Variants in LRRFIP1 observed in about 807,000 individuals in gnomAD.
The protein encoded by LRRFIP1 is LRR binding FLII interacting protein 1, also known as leucine-rich repeat flightless-interacting protein 1.
Under a neutral mutation model 104.4 loss-of-function variants are expected in LRRFIP1, and 62 were observed. That is an observed-to-expected ratio of 0.59 (90% CI 0.48 to 0.73). The LOEUF is 0.73. LRRFIP1 is among the 30% of genes least tolerant of loss of function. The pLI, the probability that LRRFIP1 is intolerant of heterozygous loss-of-function variation, is 0.00. For synonymous variants in LRRFIP1, 300 were observed against 299.0 expected, an observed-to-expected ratio of 1.00 and a Z score of -0.03; for missense variants, 796 against 824.5, an observed-to-expected ratio of 0.97 and a Z score of 0.42.
intron 1 of LRRFIP1, among the ~76,000 whole-genome samples, chr2:237,682,988 T>C (rs1018591319): frequency 3.3e-5 from 5 of 152,246 alleles, no homozygotes; most frequent in African/African-American, 1.2e-4. Context: ...ATGTCTGAGA[T>C]ATTTTTGGTT....
chr2:237,650,422 T>A (rs2085736469), intron 1 of LRRFIP1, among the ~76,000 whole-genome samples: 1 of 151,958 alleles, frequency 6.6e-6, no homozygotes, highest in Admixed American at 6.5e-5. Flanking sequence ...GGGGTGGCTA[T>A]TGGACAGCTC....
chr2:237,657,108 G>T (rs975834978), intron 1 of LRRFIP1, among the ~76,000 whole-genome samples: 5 of 152,166 alleles, frequency 3.3e-5, no homozygotes, highest in African/African-American at 1.2e-4. Flanking sequence ...CACCATTTTG[G>T]TTTCAGTTAC....
chr2:237,775,358 CAG>C (rs2060990656), intron 23 of LRRFIP1, among the ~76,000 whole-genome samples: 1 of 152,128 alleles, frequency 6.6e-6, no homozygotes, highest in Non-Finnish European at 1.5e-5. Context: ...AAGGAACAGT[CAG>C]AGCGGTGGAG....
At chr2:237,709,156 G>A (rs1368424851) in intron 2 of LRRFIP1, among the ~76,000 whole-genome samples, 1 of 152,180 alleles carries the variant, frequency 6.6e-6, no homozygotes, top group Non-Finnish European at 1.5e-5. Flanking sequence ...ATTCCTCCCT[G>A]GGAAAATGGC....
chr2:237,673,234 G>A (rs1316502910), intron 1 of LRRFIP1, among the ~76,000 whole-genome samples: 1 of 152,164 alleles, frequency 6.6e-6, no homozygotes, highest in Non-Finnish European at 1.5e-5. Flanking sequence ...ACCACCAGGC[G>A]GCATAACAGA....
intron 1 of LRRFIP1, among the ~76,000 whole-genome samples, chr2:237,696,809 T>C (rs559049723): frequency 2.1e-4 from 32 of 152,390 alleles, no homozygotes; most frequent in African/African-American, 6.5e-4. Context: ...CGGCTGCTGC[T>C]GCTGCTTTTG....
At chr2:237,727,499 A>T (rs1272310461) in intron 7 of LRRFIP1, among the ~76,000 whole-genome samples, 1 of 152,228 alleles carries the variant, frequency 6.6e-6, no homozygotes, top group Non-Finnish European at 1.5e-5. Flanking sequence ...TCGGCCTGGC[A>T]TGTGGCTTCT....
At chr2:237,636,194 C>T (rs573849724) in intron 1 of LRRFIP1, among the ~76,000 whole-genome samples, 2 of 151,628 alleles carry the variant, frequency 1.3e-5, no homozygotes, top group African/African-American at 2.4e-5. Flanking sequence ...ACTTATTGAG[C>T]ATTCATTGGG....
intron 1 of LRRFIP1, among the ~76,000 whole-genome samples, chr2:237,659,290 C>T (rs2087407965): frequency 6.6e-6 from 1 of 151,540 alleles, no homozygotes; most frequent in African/African-American, 2.4e-5. Context: ...GAGATGATGT[C>T]TCCCTATGTT....
At chr2:237,666,789 TTC>T (rs1351245041) in intron 1 of LRRFIP1, among the ~76,000 whole-genome samples, 2 of 52,646 alleles carry the variant, frequency 3.8e-5, no homozygotes, top group Non-Finnish European at 8.7e-5. Context: ...GTCTCTTTCT[TTC>T]TCTTTCTCTT....
intron 9 of LRRFIP1, among the ~76,000 whole-genome samples, chr2:237,734,242 C>T (rs903846540): frequency 5.1e-5 from 7 of 137,954 alleles, no homozygotes; most frequent in African/African-American, 2.2e-4. Flanking sequence ...AAAGTAAATA[C>T]TCAAAGTAGC....
chr2:237,681,498 C>T (rs1013123073), intron 1 of LRRFIP1, among the ~76,000 whole-genome samples: 6 of 151,740 alleles, frequency 4.0e-5, no homozygotes, highest in Non-Finnish European at 7.4e-5. Flanking sequence ...TCCTGAGTAG[C>T]TGGCATTACA....
chr2:237,644,097 G>A (rs912679951), intron 1 of LRRFIP1, among the ~76,000 whole-genome samples: 1 of 152,010 alleles, frequency 6.6e-6, no homozygotes, highest in Non-Finnish European at 1.5e-5. Flanking sequence ...GTGTTTCTCC[G>A]TTGGCTTTTG....
chr2:237,692,151 G>C (rs2092829338), intron 1 of LRRFIP1: 1 of 998,394 alleles, frequency 1.0e-6, no homozygotes, highest in South Asian at 4.7e-5. Flanking sequence ...AACTGCGTGG[G>C]GGGCGGGGCG....
chr2:237,709,380 A>G (rs546943905), intron 2 of LRRFIP1, among the ~76,000 whole-genome samples: 93 of 152,298 alleles, frequency 6.1e-4, no homozygotes, highest in Non-Finnish European at 1.2e-3. Context: ...GACCATCCAC[A>G]CTGAGCCCAC....
At position 237,669,903 on chromosome 2, in the gene LRRFIP1, C is replaced by T. The variant is rs572570968; in HGVS notation, c.97-38641C>T. 5.9e-5 allele frequency among the ~76,000 whole-genome samples: 9 copies of T among 152,242 alleles called. No homozygotes were observed. In the South Asian group the frequency reaches 6.2e-4, roughly 11 times the overall value. ...TGTGCACGTGGCATAGAGCCTCGCACGTTGCTTTTGGGAGAATCAGCTTGA... is the reference window on the plus strand; with the variant it reads ...TGTGCACGTGGCATAGAGCCTCGCATGTTGCTTTTGGGAGAATCAGCTTGA... On this transcript the variant is annotated intron_variant, in intron 1 of 23. Transcript: ENST00000308482.
intron 19 of LRRFIP1, chr2:237,769,695 T>G (rs764589570): frequency 9.3e-5 from 45 of 485,966 alleles, no homozygotes; most frequent in Admixed American, 1.4e-4. Flanking sequence ...GGTAGAAGAT[T>G]AGCAGCCTGT....
chr2:237,698,807 G>A (rs2093346407), intron 1 of LRRFIP1, among the ~76,000 whole-genome samples: 2 of 143,470 alleles, frequency 1.4e-5, no homozygotes, highest in Non-Finnish European at 3.1e-5. Context: ...GTGATGGAGA[G>A]ACGAGAGATC....
At chr2:237,651,185 A>G (rs565866272) in intron 1 of LRRFIP1, among the ~76,000 whole-genome samples, 2 of 152,368 alleles carry the variant, frequency 1.3e-5, no homozygotes, top group East Asian at 3.9e-4. Flanking sequence ...ACCCAGATTC[A>G]ACAAGGTTTT....
Sources: allele counts gnomAD v4.1 joint callset (sites outside exome capture counted in the v4.1 genomes callset), GRCh38; gene constraint gnomAD v4.1.1; transcripts MANE v1.5; gene names NCBI Gene and HGNC (gene_info 2026-07-23, HGNC 2026-07-21).